Variants in ARMC9 observed in about 807,000 individuals in gnomAD.
ARMC9 encodes lisH domain-containing protein ARMC9.
Under a neutral mutation model 107.0 loss-of-function variants are expected in ARMC9, and 94 were observed. The ratio of observed to expected loss-of-function variants is 0.88; its 90% confidence interval spans 0.74 to 1.04. The LOEUF is 1.04. ARMC9 is among the 50% of genes least tolerant of loss of function. ARMC9 has a pLI of 0.00. For missense variants in ARMC9, 942 were observed against 1,030.1 expected, an observed-to-expected ratio of 0.91 and a Z score of 1.17; for synonymous variants, 380 against 396.9, an observed-to-expected ratio of 0.96 and a Z score of 0.51.
Position 231,208,029 on chromosome 2 carries a change from GTCT to G in ARMC9, c.52-93_52-91del, listed in dbSNP as rs1574844677. 13 of 615,298 alleles carry G rather than the reference GTCT, an allele frequency of 2.1e-5. No homozygotes were observed. In the East Asian group the frequency reaches 3.2e-4, roughly 15 times the overall value. 38.1% of individuals were successfully genotyped at this position (615,298 alleles called of 1,614,324 possible). ...TCATGTATCTGTTGGTCTTTTTAAT[GTCT>G]TCTTTGGATAAATATCTATTCAGAT... On this transcript the variant is annotated intron_variant, in intron 2 of 24. Coordinates refer to ENST00000611582, the MANE Select transcript of ARMC9 (RefSeq NM_001352754.2).
chr2:231,313,011 T>C (rs1021544472), intron 19 of ARMC9, among the ~76,000 whole-genome samples: 1 of 152,206 alleles, frequency 6.6e-6, no homozygotes, highest in African/African-American at 2.4e-5. Context: ...TATGCCCAGG[T>C]CTATTCTATA....
chr2:231,365,387 C>T (rs1245967034), intron 23 of ARMC9, among the ~76,000 whole-genome samples: 1 of 152,232 alleles, frequency 6.6e-6, no homozygotes, highest in East Asian at 1.9e-4. Flanking sequence ...TAAAATGCCT[C>T]GGGAGATGCT....
At chr2:231,202,019 T>G (rs1261407927) in intron 1 of ARMC9, among the ~76,000 whole-genome samples, 1 of 131,136 alleles carries the variant, frequency 7.6e-6, no homozygotes, top group African/African-American at 3.1e-5. Flanking sequence ...TTTTTTTTTT[T>G]GACAGAGTCT....
intron 9 of ARMC9, among the ~76,000 whole-genome samples, chr2:231,251,667 G>A (rs544118766): frequency 6.6e-6 from 1 of 152,318 alleles, no homozygotes; most frequent in South Asian, 2.1e-4. Flanking sequence ...GCTGATGGGG[G>A]CAGTCAGTAG....
intron 19 of ARMC9, among the ~76,000 whole-genome samples, chr2:231,305,992 T>A (rs2042016006): frequency 1.3e-5 from 2 of 152,250 alleles, no homozygotes; most frequent in Admixed American, 1.3e-4. Context: ...GCACTCCAAC[T>A]TAACTGACGT....
chr2:231,331,648 T>C (rs2043744332), intron 19 of ARMC9, 145 bp from the exon 20 acceptor site: 3 of 664,274 alleles, frequency 4.5e-6, no homozygotes, highest in Non-Finnish European at 2.6e-6. Context: ...AGACTGCCCC[T>C]GAGCCCCCTT....
chr2:231,306,056 A>G (rs1018698904), intron 19 of ARMC9, among the ~76,000 whole-genome samples: 7 of 152,244 alleles, frequency 4.6e-5, no homozygotes, highest in African/African-American at 1.7e-4. Flanking sequence ...ATAAGTTACA[A>G]TAAGGTAAAT....
intron 21 of ARMC9, among the ~76,000 whole-genome samples, chr2:231,352,324 G>C (rs1008288012): frequency 1.3e-5 from 2 of 150,088 alleles, no homozygotes; most frequent in African/African-American, 4.9e-5. Flanking sequence ...TAACAGTCTT[G>C]CTCTGTCGCC....
At position 231,262,301 on chromosome 2, in the gene ARMC9, T is replaced by G; in HGVS notation, c.1027-5T>G. On this transcript the variant is annotated splice_region_variant and splice_polypyrimidine_tract_variant and intron_variant, in intron 11 of 24. Coordinates refer to ENST00000611582, the MANE Select transcript of ARMC9 (RefSeq NM_001352754.2). ...TCTCACTACTTTTGTTTTTCTTTGC[T>G]CCAGCGCTTGACCACATCCCATCCT... 6.2e-7 allele frequency: 1 copy of G among 1,614,154 alleles called. No individual in the cohort carries two copies. Among genetic ancestry groups the G allele is most frequent in the African/African-American group, 1.3e-5 (1 of 75,060 alleles).
intron 3 of ARMC9, among the ~76,000 whole-genome samples, chr2:231,212,559 G>A (rs1468165858): frequency 3.3e-5 from 5 of 152,318 alleles, no homozygotes; most frequent in Admixed American, 3.3e-4. Flanking sequence ...AGAGCTCTTG[G>A]TCACCGCACT....
At position 231,376,076 on chromosome 2, in the gene ARMC9, T is replaced by G. The variant is rs1347508521; in HGVS notation, c.*4541T>G. On this transcript the variant is annotated 3_prime_UTR_variant, in exon 25 of 25. Transcript: ENST00000611582. ...TTCCCCAGTCAATACCCTTGTGATT[T>G]CCTATGCCTGTCTTTACTTTAATCT... Among the ~76,000 whole-genome samples, 1 of 152,258 alleles carries G rather than the reference T, an allele frequency of 6.6e-6. No homozygotes were observed. The highest frequency in any genetic ancestry group is 1.5e-5 in the Non-Finnish European group (1 of 68,044).
intron 18 of ARMC9, among the ~76,000 whole-genome samples, chr2:231,292,656 A>G (rs148606699): frequency 6.6e-6 from 1 of 152,184 alleles, no homozygotes; most frequent in East Asian, 1.9e-4. Context: ...TGCCAGAGGT[A>G]CCAAGCACTG....
chr2:231,362,103 G>A lies in ARMC9; in HGVS notation c.2261+1220G>A, dbSNP rs975221065. Among the ~76,000 whole-genome samples, 1 of 152,126 alleles carries A rather than the reference G, an allele frequency of 6.6e-6. No homozygotes were observed. The highest frequency in any genetic ancestry group is 2.4e-5 in the African/African-American group (1 of 41,422). ...GCTGCATTACTGGGGGAGGGGCCAA[G>A]CCTCTGGACTCCTCCAGTTCCACTG... On this transcript the variant is annotated intron_variant, in intron 23 of 24. Transcript: ENST00000611582. The surrounding 1 kb of genome is among the most constrained non-coding windows in gnomAD (Gnocchi z 4.7).
intron 13 of ARMC9, among the ~76,000 whole-genome samples, chr2:231,272,200 T>G (rs1324580701): frequency 6.8e-6 from 1 of 146,606 alleles, no homozygotes; most frequent in Non-Finnish European, 1.5e-5. Flanking sequence ...TTTTTTTTTT[T>G]TTTTTTTTTT....
chr2:231,206,461 A>G (rs1309322636), intron 2 of ARMC9, among the ~76,000 whole-genome samples, 172 bp downstream of exon 2: 1 of 152,260 alleles, frequency 6.6e-6, no homozygotes, highest in Non-Finnish European at 1.5e-5. Flanking sequence ...ATAACTAAAC[A>G]AATCTTAAAG....
chr2:231,210,788 A>G (rs1315515125), intron 3 of ARMC9, among the ~76,000 whole-genome samples: 1 of 152,238 alleles, frequency 6.6e-6, no homozygotes, highest in Non-Finnish European at 1.5e-5. Context: ...AAAATGTATC[A>G]TGTTAACTAT....
intron 20 of ARMC9, among the ~76,000 whole-genome samples, chr2:231,340,172 T>C (rs1372248839): frequency 1.3e-5 from 2 of 152,178 alleles, no homozygotes; most frequent in African/African-American, 4.8e-5. Context: ...GTGGAAAAGT[T>C]ACCAAATTAT....
intron 20 of ARMC9, among the ~76,000 whole-genome samples, chr2:231,340,647 G>T (rs986085452): frequency 6.6e-6 from 1 of 152,130 alleles, no homozygotes; most frequent in African/African-American, 2.4e-5. Context: ...AGCACTTTGG[G>T]AGGCTGAGGC....
At chr2:231,322,224 G>T (rs958966003) in intron 19 of ARMC9, among the ~76,000 whole-genome samples, 3 of 152,262 alleles carry the variant, frequency 2.0e-5, no homozygotes, top group Non-Finnish European at 2.9e-5. Context: ...CACGTGCTCA[G>T]GAGGAAAGCT....
Sources: gnomAD v4.1 joint callset for allele counts (sites outside exome capture counted in the v4.1 genomes callset) on GRCh38, gnomAD v4.1.1 for gene constraint, Gnocchi (gnomAD v3.1) non-coding constraint, MANE v1.5 for transcripts, NCBI Gene and HGNC (gene_info 2026-07-23, HGNC 2026-07-21) for gene names.